Variants in ENTPD7 observed in about 807,000 individuals in gnomAD.
ENTPD7 encodes the protein NTPDase 7.
Under a neutral mutation model 77.9 loss-of-function variants are expected in ENTPD7, and 53 were observed. That is an observed-to-expected ratio of 0.68 (90% CI 0.55 to 0.85). The LOEUF (loss-of-function observed/expected upper bound fraction) is 0.85, where lower values mean the gene tolerates loss of function less well. ENTPD7 is among the 40% of genes least tolerant of loss of function. The pLI is 0.00. For synonymous variants in ENTPD7, 248 were observed against 274.9 expected (o/e 0.90, Z 0.97); for missense variants, 636 against 743.7 (o/e 0.86, Z 1.68).
At position 99,711,137 on chromosome 10, in the gene ENTPD7, C is replaced by G; in HGVS notation, c.*6454C>G. 2.0e-6 allele frequency: 2 copies of G among 984,990 alleles called. No individual in the cohort carries two copies. Among genetic ancestry groups the G allele is most frequent in the Non-Finnish European group, 2.4e-6 (2 of 829,666 alleles). 61.0% of individuals were successfully genotyped at this position (984,990 alleles called of 1,614,324 possible). A position where few individuals can be genotyped will look rare whatever the true frequency, so the allele number is the denominator to read the frequency against. ...CTAAGATAATCATTCACCAGAAGCT[C>G]ATAGATATAATACAGTTATATAGCT... On this transcript the variant is annotated 3_prime_UTR_variant, in exon 13 of 13. Coordinates refer to ENST00000370489, the MANE Select transcript of ENTPD7 (RefSeq NM_020354.5).
At position 99,710,990 on chromosome 10, in the gene ENTPD7, TTTTGGAAAAAGGTA is replaced by T; in HGVS notation, c.*6315_*6328del. ...CCTATAGGTATGTGATGACTTGTTT[TTTTGGAAAAAGGTA>T]TTTGGAACATCAATCTGTAATTATC... On this transcript the variant is annotated 3_prime_UTR_variant, in exon 13 of 13. Coordinates refer to ENST00000370489, the MANE Select transcript of ENTPD7 (RefSeq NM_020354.5). 1.0e-6 allele frequency: 1 copy of T among 985,324 alleles called. No homozygotes were observed. Among genetic ancestry groups the T allele is most frequent in the Non-Finnish European group, 1.2e-6 (1 of 829,850 alleles). 61.0% of individuals were successfully genotyped at this position (985,324 alleles called of 1,614,324 possible). A position where few individuals can be genotyped will look rare whatever the true frequency, so the allele number is the denominator to read the frequency against.
chr10:99,700,809 CAG>C (rs887092704), intron 10 of ENTPD7, 162 bp from the exon 11 acceptor site: 80 of 675,246 alleles, frequency 1.2e-4, no homozygotes, highest in African/African-American at 8.1e-4. Context: ...CGGGAATAAA[CAG>C]GGGTATGACG....
intron 3 of ENTPD7, among the ~76,000 whole-genome samples, chr10:99,671,954 A>G (rs2035622861): frequency 6.6e-6 from 1 of 152,240 alleles, no homozygotes; most frequent in African/African-American, 2.4e-5. Flanking sequence ...GCTTTTGGTT[A>G]GAATGCTCTT....
intron 6 of ENTPD7, among the ~76,000 whole-genome samples, chr10:99,687,353 G>A (rs1449459796): frequency 2.6e-5 from 3 of 115,328 alleles, no homozygotes; most frequent in African/African-American, 3.4e-5. Context: ...TGCAACCTCC[G>A]CTCCCTGGTT....
chr10:99,695,763 T>C (rs557719661), intron 8 of ENTPD7, among the ~76,000 whole-genome samples, 193 bp from the exon 9 acceptor site: 1 of 152,352 alleles, frequency 6.6e-6, no homozygotes, highest in South Asian at 2.1e-4. Flanking sequence ...TAATTTAGTG[T>C]CTAATTTGTA....
intron 2 of ENTPD7, 68 bp from the exon 3 acceptor site, chr10:99,661,378 T>A (rs766656484): frequency 5.0e-6 from 7 of 1,407,408 alleles, no homozygotes; most frequent in African/African-American, 2.9e-5. Flanking sequence ...TTTATCCAAT[T>A]TTAAAACGAT....
At chr10:99,684,595 T>G (rs556621291) in intron 5 of ENTPD7, among the ~76,000 whole-genome samples, 1 of 152,372 alleles carries the variant, frequency 6.6e-6, no homozygotes, top group Non-Finnish European at 1.5e-5. Flanking sequence ...CAAATATAGA[T>G]CTTCACTTTG....
At chr10:99,669,253 C>G (rs1038733972) in intron 3 of ENTPD7, among the ~76,000 whole-genome samples, 1 of 151,894 alleles carries the variant, frequency 6.6e-6, no homozygotes, top group African/African-American at 2.4e-5. Context: ...CACATTGCAT[C>G]TTTGTATTTT....
At position 99,661,569 on chromosome 10, in the gene ENTPD7, G is replaced by T; in HGVS notation, c.132G>T (p.Met44Ile). The T allele has an allele frequency of 6.2e-7, 1 of 1,613,586 alleles. No individual in the cohort carries two copies. The highest frequency in any genetic ancestry group is 8.5e-7 in the Non-Finnish European group (1 of 1,179,860). Residue 44 changes from methionine (M) to isoleucine (I), a missense_variant, in exon 3 of 13, where the codon ATG becomes ATT. Physicochemically the swap from Met to Ile is conservative, Grantham distance 10. Coordinates refer to ENST00000370489, the MANE Select transcript of ENTPD7 (RefSeq NM_020354.5). Reference sequence around the variant, plus strand: ...TCATATCCTGTCTCCTTTTACTTATGTTAATCATAGACTTTCGACATTGGA... The same window carrying T: ...TCATATCCTGTCTCCTTTTACTTATTTTAATCATAGACTTTCGACATTGGA... ...LFFISCLLLL[M>I]LIIDFRHWSA...
intron 3 of ENTPD7, among the ~76,000 whole-genome samples, chr10:99,674,437 T>G (rs1344875447): frequency 6.6e-6 from 1 of 152,218 alleles, no homozygotes; most frequent in African/African-American, 2.4e-5. Flanking sequence ...AGATCATAAC[T>G]CTGTATCCAT....
chr10:99,688,627 A>C (rs1008441311), intron 6 of ENTPD7, 67 bp from the exon 7 acceptor site: 3 of 1,456,286 alleles, frequency 2.1e-6, no homozygotes, highest in South Asian at 1.2e-5. Context: ...GAGAAGCCCT[A>C]AGGGAGAGGT....
intron 5 of ENTPD7, 21 bp from the exon 6 acceptor site, chr10:99,685,771 A>AT: frequency 3.8e-6 from 6 of 1,595,894 alleles, no homozygotes; most frequent in Non-Finnish European, 4.3e-6. Flanking sequence ...TAACTTTGGG[A>AT]TTTTTTGTTC....
intron 2 of ENTPD7, among the ~76,000 whole-genome samples, chr10:99,660,679 C>T (rs1189197954): frequency 4.6e-5 from 7 of 152,122 alleles, no homozygotes; most frequent in African/African-American, 1.7e-4. Context: ...AATCCCAGCA[C>T]TTTGGGAGGC....
intron 3 of ENTPD7, among the ~76,000 whole-genome samples, chr10:99,667,050 T>C (rs2035559401): frequency 6.6e-6 from 1 of 152,214 alleles, no homozygotes; most frequent in South Asian, 2.1e-4. Flanking sequence ...TCTATCACTG[T>C]ATCCCAAGTG....
chr10:99,670,306 C>T (rs2035605083), intron 3 of ENTPD7, among the ~76,000 whole-genome samples: 1 of 152,222 alleles, frequency 6.6e-6, no homozygotes, highest in Non-Finnish European at 1.5e-5. Flanking sequence ...TTCAAATGCT[C>T]AGTGGCCACA....
Position 99,696,037 on chromosome 10 carries a change from G to A in ENTPD7, c.925G>A (p.Val309Ile), listed in dbSNP as rs2035968504. The A allele has an allele frequency of 5.0e-6, 8 of 1,614,206 alleles. No homozygotes were observed. Among genetic ancestry groups the A allele is most frequent in the Non-Finnish European group, 6.8e-6 (8 of 1,180,034 alleles). ...CACTGAACACGTGTACAGGGTTTAT[G>A]TCACAACTTTTCTGGGTTTCGGAGG... ...QHTEHVYRVY[V>I]TTFLGFGGNF... Residue 309 changes from valine (V) to isoleucine (I), a missense_variant, in exon 9 of 13, where the codon GTC (valine) becomes ATC (isoleucine). By Grantham distance (29) the Val-to-Ile change is conservative. Transcript: ENST00000370489.
intron 8 of ENTPD7, 110 bp downstream of exon 8, chr10:99,691,628 A>G (rs181580618): frequency 4.8e-6 from 6 of 1,237,334 alleles, no homozygotes; most frequent in African/African-American, 1.5e-5. Flanking sequence ...ATTTGTTCAG[A>G]TACTTGCTAG....
rs1590049445 is a variant in ENTPD7 at position 99,691,458 on chromosome 10, A to G, written c.783A>G (p.Gly261=). Residue 261 remains glycine (G), a synonymous_variant, in exon 8 of 13, where the codon GGA becomes GGG. Coordinates refer to ENST00000370489, the MANE Select transcript of ENTPD7 (RefSeq NM_020354.5). ...CAGTAGGGATACTGGATATGGGAGG[A>G]GCCTCTCTCCAAATTGCTTATGAAG... The part of the protein sequence containing the change: ...RRTVGILDMG[G]ASLQIAYEVP... 1 of 1,614,066 alleles carries G rather than the reference A, an allele frequency of 6.2e-7. No homozygotes were observed. The highest frequency in any genetic ancestry group is 8.5e-7 in the Non-Finnish European group (1 of 1,179,974).
intron 6 of ENTPD7, among the ~76,000 whole-genome samples, chr10:99,686,205 T>C (rs983035875): frequency 2.6e-5 from 4 of 152,278 alleles, no homozygotes; most frequent in Non-Finnish European, 5.9e-5. Flanking sequence ...TTTGAAAACA[T>C]ATATAGTTCT....
Sources: gnomAD v4.1 joint callset for allele counts (sites outside exome capture counted in the v4.1 genomes callset) on GRCh38, gnomAD v4.1.1 for gene constraint, MANE v1.5 for transcripts, NCBI Gene and HGNC (gene_info 2026-07-23, HGNC 2026-07-21) for gene names.